Variants in EPHA5 observed in about 807,000 individuals in gnomAD.
EPHA5 encodes the protein EPH receptor A5.
In EPHA5, 60 loss-of-function variants were observed where a neutral mutation model predicts 105.0. The observed-to-expected ratio is 0.57, with a 90% CI of 0.46 to 0.71. The LOEUF (loss-of-function observed/expected upper bound fraction) is 0.71. Among genes scored for constraint, EPHA5 ranks in the 30% least tolerant of loss-of-function variants. The pLI, the probability that EPHA5 is intolerant of heterozygous loss-of-function variation, is 0.00. For missense variants in EPHA5, 1,218 were observed against 1,274.7 expected (o/e 0.96, Z 0.68); for synonymous variants, 513 against 449.1 (o/e 1.14, Z -1.80).
chr4:65,529,931 A>C (rs1470100378), intron 3 of EPHA5, among the ~76,000 whole-genome samples: 1 of 152,176 alleles, frequency 6.6e-6, no homozygotes. Context: ...GGAAACATTG[A>C]TACCTAAGGT....
At chr4:65,528,339 TA>T (rs1370441736) in intron 3 of EPHA5, among the ~76,000 whole-genome samples, 4 of 152,266 alleles carry the variant, frequency 2.6e-5, no homozygotes, top group Admixed American at 6.6e-5. Flanking sequence ...ATTTAAGTAA[TA>T]TTTTTTGCAA....
intron 2 of EPHA5, among the ~76,000 whole-genome samples, chr4:65,618,886 G>A (rs1279098189): frequency 1.3e-5 from 2 of 152,206 alleles, no homozygotes; most frequent in African/African-American, 4.8e-5. Flanking sequence ...TGGGCGCGGT[G>A]GCTCACGCCT....
chr4:65,431,573 C>A (rs1724980815), intron 5 of EPHA5, among the ~76,000 whole-genome samples: 2 of 152,100 alleles, frequency 1.3e-5, no homozygotes, highest in South Asian at 2.1e-4. Context: ...GTGCTACTGG[C>A]AATTCTCCTC....
intron 7 of EPHA5, among the ~76,000 whole-genome samples, chr4:65,405,527 C>T (rs540867891): frequency 6.6e-6 from 1 of 152,262 alleles, no homozygotes; most frequent in East Asian, 1.9e-4. Flanking sequence ...CTATTTTAGT[C>T]ACATTGTTCT....
intron 5 of EPHA5, among the ~76,000 whole-genome samples, 180 bp from the exon 6 acceptor site, chr4:65,420,745 G>C (rs548790297): frequency 1.0e-3 from 159 of 152,060 alleles, no homozygotes; most frequent in Non-Finnish European, 1.8e-3. Context: ...ATATAAATCA[G>C]CTAAATATCC....
intron 1 of EPHA5, among the ~76,000 whole-genome samples, chr4:65,667,594 A>G (rs1400278331): frequency 6.6e-6 from 1 of 152,030 alleles, no homozygotes; most frequent in African/African-American, 2.4e-5. Flanking sequence ...GCTGTGTTCC[A>G]CAAGATTCCA....
intron 5 of EPHA5, among the ~76,000 whole-genome samples, chr4:65,427,342 C>T (rs1474558020): frequency 1.3e-5 from 2 of 151,704 alleles, no homozygotes; most frequent in African/African-American, 2.4e-5. Flanking sequence ...TGCCACTGCA[C>T]CCGGCTAATT....
intron 1 of EPHA5, among the ~76,000 whole-genome samples, chr4:65,652,087 G>A (rs529718383): frequency 2.7e-4 from 41 of 152,098 alleles, no homozygotes; most frequent in Non-Finnish European, 5.3e-4. Context: ...AACATTAGAT[G>A]ATATAAGAAG....
intron 13 of EPHA5, among the ~76,000 whole-genome samples, chr4:65,350,872 T>C (rs1722747568): frequency 6.6e-6 from 1 of 152,048 alleles, no homozygotes; most frequent in South Asian, 2.1e-4. Flanking sequence ...GAATAGCTCT[T>C]TTTTCCCTAC....
At chr4:65,575,319 C>T (rs1740785246) in intron 3 of EPHA5, among the ~76,000 whole-genome samples, 1 of 152,136 alleles carries the variant, frequency 6.6e-6, no homozygotes, top group African/African-American at 2.4e-5. Flanking sequence ...CATGTACCTT[C>T]TTCACTTGAT....
intron 6 of EPHA5, among the ~76,000 whole-genome samples, chr4:65,416,878 T>A (rs1723434878): frequency 6.6e-6 from 1 of 152,240 alleles, no homozygotes; most frequent in Non-Finnish European, 1.5e-5. Context: ...TTTCATTCCT[T>A]TAAATCACTC....
chr4:65,571,223 A>G (rs28717999), intron 3 of EPHA5, among the ~76,000 whole-genome samples: 8,951 of 152,100 alleles, frequency 0.059, 373 homozygotes, highest in Admixed American at 0.11. Flanking sequence ...AGTAGGGGAG[A>G]CTATATCTTA....
Position 65,521,470 on chromosome 4 carries a change from A to G in EPHA5, c.911-25927T>C, listed in dbSNP as rs538722829. Among the ~76,000 whole-genome samples the G allele has an allele frequency of 6.6e-5, 10 of 152,200 alleles. No homozygotes were observed. The East Asian group carries it at 1.9e-3, about 29-fold the overall frequency. ...GCACACCAACATGGCACATGTATAC[A>G]TATGTAACAAACCCTCACATTGTCC... is the stretch of plus-strand genomic sequence containing the variant. On this transcript the variant is annotated intron_variant, in intron 3 of 16. Transcript: ENST00000613740.
chr4:65,611,135 A>G (rs1478456425), intron 2 of EPHA5, among the ~76,000 whole-genome samples: 1 of 152,180 alleles, frequency 6.6e-6, no homozygotes, highest in Non-Finnish European at 1.5e-5. Flanking sequence ...ACTTCAAATG[A>G]CAAACACATA....
At chr4:65,333,403 C>T (rs1312314255) in intron 15 of EPHA5, among the ~76,000 whole-genome samples, 2 of 151,518 alleles carry the variant, frequency 1.3e-5, no homozygotes, top group Admixed American at 6.6e-5. Flanking sequence ...GAGCACTTTT[C>T]AAACTACAAA....
chr4:65,568,034 T>A (rs951511654), intron 3 of EPHA5, among the ~76,000 whole-genome samples: 2 of 151,538 alleles, frequency 1.3e-5, no homozygotes, highest in Non-Finnish European at 3.0e-5. Flanking sequence ...ATTGAAAAAG[T>A]GTTTCATTTT....
At chr4:65,325,041 G>A (rs911603712) in intron 16 of EPHA5, among the ~76,000 whole-genome samples, 1 of 151,280 alleles carries the variant, frequency 6.6e-6, no homozygotes, top group African/African-American at 2.4e-5. Flanking sequence ...GTATTTGTCA[G>A]ATATGTTTGG....
At chr4:65,327,912 C>T (rs1361723358) in intron 16 of EPHA5, among the ~76,000 whole-genome samples, 1 of 150,982 alleles carries the variant, frequency 6.6e-6, no homozygotes, top group Non-Finnish European at 1.5e-5. Context: ...AAATGGTCAT[C>T]TTAGCAGTAA....
intron 3 of EPHA5, among the ~76,000 whole-genome samples, chr4:65,513,353 T>C (rs1043566195): frequency 1.3e-5 from 2 of 152,240 alleles, no homozygotes; most frequent in Non-Finnish European, 1.5e-5. Flanking sequence ...TTTTATAGTG[T>C]AGTATTTCAA....
Sources: gnomAD v4.1 joint callset for allele counts (sites outside exome capture counted in the v4.1 genomes callset) on GRCh38, gnomAD v4.1.1 for gene constraint, MANE v1.5 for transcripts, NCBI Gene and HGNC (gene_info 2026-07-23, HGNC 2026-07-21) for gene names.